MAGI2: variants seen among roughly 807,000 people sequenced by gnomAD.
The protein encoded by MAGI2 is membrane associated guanylate kinase, WW and PDZ domain containing 2.
MAGI2 carries 35 observed loss-of-function variants against 133.3 expected under a neutral mutation model. The ratio of observed to expected loss-of-function variants is 0.26; its 90% confidence interval spans 0.20 to 0.35. The LOEUF (loss-of-function observed/expected upper bound fraction) is 0.35, where lower values mean the gene tolerates loss of function less well. Ranked by LOEUF, MAGI2 falls within the 10% of genes least tolerant of loss-of-function variation. The pLI, the probability that MAGI2 is intolerant of heterozygous loss-of-function variation, is 1.00. For missense variants in MAGI2, 1,636 were observed against 1,863.4 expected (o/e 0.88, Z 2.25); for synonymous variants, 729 against 710.6 (o/e 1.03, Z -0.41).
At chr7:78,129,435 G>A (rs1371579097) in intron 18 of MAGI2, among the ~76,000 whole-genome samples, 1 of 152,144 alleles carries the variant, frequency 6.6e-6, no homozygotes, top group African/African-American at 2.4e-5. Flanking sequence ...GAAAACTCAG[G>A]ATTATTTTAA....
chr7:78,512,116 T>C (rs1425750139), intron 4 of MAGI2, among the ~76,000 whole-genome samples: 1 of 149,240 alleles, frequency 6.7e-6, no homozygotes, highest in Non-Finnish European at 1.5e-5. Context: ...GAGCGAGACT[T>C]CGTCTCAAAA....
intron 1 of MAGI2, among the ~76,000 whole-genome samples, chr7:79,322,319 T>C (rs372901492): frequency 1.8e-4 from 28 of 152,248 alleles, no homozygotes; most frequent in African/African-American, 6.5e-4. Context: ...GTCAATGTCC[T>C]GAAGTGCCAC....
chr7:78,677,860 G>T (rs1161209051), intron 2 of MAGI2, among the ~76,000 whole-genome samples: 3 of 152,058 alleles, frequency 2.0e-5, no homozygotes, highest in Non-Finnish European at 2.9e-5. Context: ...CTAGTGCTCT[G>T]CATAGTACAG....
chr7:79,294,177 C>CAA (rs61385536), intron 1 of MAGI2, among the ~76,000 whole-genome samples: 14 of 65,308 alleles, frequency 2.1e-4, no homozygotes, highest in South Asian at 5.0e-4. Flanking sequence ...GACTCCGTCT[C>CAA]AAAAAAAAAA....
At chr7:79,204,999 C>T (rs947943064) in intron 1 of MAGI2, among the ~76,000 whole-genome samples, 4 of 151,414 alleles carry the variant, frequency 2.6e-5, no homozygotes, top group African/African-American at 4.9e-5. Context: ...CAAAAGAGCA[C>T]ATTTTTGAGT....
In MAGI2 at chr7:78,520,082, T is replaced by G. The variant is rs725554; in HGVS notation, c.754+1348A>C. Among the ~76,000 whole-genome samples the G allele has an allele frequency of 8.5e-3, 1,295 of 152,358 alleles. 21 individuals carry two copies. The highest frequency in any genetic ancestry group is 0.029 in the African/African-American group (1,212 of 41,586). On this transcript the variant is annotated intron_variant, in intron 4 of 21. Transcript: ENST00000354212. Reference sequence around the variant, plus strand: ...CATAGGAGACAAGTTACATTACTTATAGTGATTTTTAGCATTTGTATCTAG... The same window carrying G: ...CATAGGAGACAAGTTACATTACTTAGAGTGATTTTTAGCATTTGTATCTAG...
At chr7:78,755,960 A>T (rs999637936) in intron 2 of MAGI2, among the ~76,000 whole-genome samples, 2 of 152,168 alleles carry the variant, frequency 1.3e-5, no homozygotes, top group Admixed American at 1.3e-4. Context: ...CTTTTTATTT[A>T]TTACCCCAAA....
intron 10 of MAGI2, among the ~76,000 whole-genome samples, chr7:78,228,912 T>G (rs961858744): frequency 6.6e-6 from 1 of 152,218 alleles, no homozygotes; most frequent in Non-Finnish European, 1.5e-5. Context: ...GTAACATATT[T>G]CTTGGATAAC....
chr7:78,265,172 T>A (rs983883450), intron 9 of MAGI2, among the ~76,000 whole-genome samples: 5 of 152,200 alleles, frequency 3.3e-5, no homozygotes, highest in African/African-American at 1.2e-4. Flanking sequence ...TTACATTTCC[T>A]TTGTGTTTGG....
chr7:78,485,987 T>C (rs1792957338), intron 6 of MAGI2: 1 of 152,046 alleles, frequency 6.6e-6, no homozygotes, highest in Admixed American at 6.6e-5. Context: ...AGCAGCGTGG[T>C]CTAGAAGGTC....
At chr7:78,822,473 T>C (rs1790214558) in intron 2 of MAGI2, among the ~76,000 whole-genome samples, 1 of 152,104 alleles carries the variant, frequency 6.6e-6, no homozygotes, top group African/African-American at 2.4e-5. Context: ...TGTTTTTTGT[T>C]ATTGCTCTTC....
intron 2 of MAGI2, among the ~76,000 whole-genome samples, chr7:78,706,392 A>G (rs1818652397): frequency 6.6e-6 from 1 of 152,102 alleles, no homozygotes; most frequent in Non-Finnish European, 1.5e-5. Flanking sequence ...AGACCTTCCC[A>G]GCTATGTGCA....
intron 1 of MAGI2, among the ~76,000 whole-genome samples, chr7:79,126,047 G>A (rs1209336090): frequency 6.6e-6 from 1 of 152,216 alleles, no homozygotes; most frequent in African/African-American, 2.4e-5. Context: ...TCTGTGAAAA[G>A]TGTAAAGCAT....
At chr7:78,599,619 C>T (rs953261071) in intron 3 of MAGI2, among the ~76,000 whole-genome samples, 10 of 152,164 alleles carry the variant, frequency 6.6e-5, no homozygotes. Flanking sequence ...TCTACTCTTC[C>T]ACTGAACAAT....
chr7:79,185,857 C>T (rs983760820), intron 1 of MAGI2, among the ~76,000 whole-genome samples: 3 of 151,604 alleles, frequency 2.0e-5, no homozygotes, highest in African/African-American at 4.9e-5. Context: ...GAAGCTCATC[C>T]GTGACAGAAC....
At chr7:78,840,698 A>AT (rs1269033981) in intron 2 of MAGI2, among the ~76,000 whole-genome samples, 1 of 152,082 alleles carries the variant, frequency 6.6e-6, no homozygotes, top group Non-Finnish European at 1.5e-5. Flanking sequence ...TGTTACCAAC[A>AT]TCAAAGAGCT....
At chr7:78,800,230 AC>A (rs1787951687) in intron 2 of MAGI2, among the ~76,000 whole-genome samples, 1 of 152,082 alleles carries the variant, frequency 6.6e-6, no homozygotes, top group Non-Finnish European at 1.5e-5. Context: ...ATAACAAACA[AC>A]CCTAAAATAT....
chr7:78,631,063 A>G (rs1808942335), intron 2 of MAGI2, among the ~76,000 whole-genome samples: 1 of 152,084 alleles, frequency 6.6e-6, no homozygotes, highest in African/African-American at 2.4e-5. Context: ...TTCCTGTCGA[A>G]GGTTGCATGG....
chr7:79,407,486 T>A (rs370953643), intron 1 of MAGI2, among the ~76,000 whole-genome samples: 1 of 152,256 alleles, frequency 6.6e-6, no homozygotes, highest in Admixed American at 6.5e-5. Context: ...AACATATAAG[T>A]TAGCAGGATC....
Sources: gnomAD v4.1 joint callset for allele counts (sites outside exome capture counted in the v4.1 genomes callset) on GRCh38, gnomAD v4.1.1 for gene constraint, MANE v1.5 for transcripts, NCBI Gene and HGNC (gene_info 2026-07-23, HGNC 2026-07-21) for gene names.